The following DIAPH2 variants were observed in gnomAD, a reference collection of about 807,000 sequenced individuals.
DIAPH2 encodes the protein diaphanous related formin 2.
DIAPH2 carries 35 observed loss-of-function variants against 92.7 expected under a neutral mutation model. The observed-to-expected ratio is 0.38, with a 90% CI of 0.29 to 0.50. The LOEUF (loss-of-function observed/expected upper bound fraction) is 0.50, where lower values mean the gene tolerates loss of function less well. DIAPH2 is among the 20% of genes least tolerant of loss of function. DIAPH2 has a pLI of 0.94. For synonymous variants in DIAPH2, 301 were observed against 280.4 expected, an observed-to-expected ratio of 1.07 and a Z score of -0.73; for missense variants, 701 against 819.5, an observed-to-expected ratio of 0.86 and a Z score of 1.77.
intron 23 of DIAPH2, among the ~76,000 whole-genome samples, chrX:97,338,277 T>C: frequency 8.9e-6 from 1 of 112,244 alleles, no homozygotes; most frequent in Non-Finnish European, 1.9e-5. Context: ...ATATTATCCT[T>C]GTTAATGCTT....
chrX:96,694,639 C>A (rs1017676247), intron 1 of DIAPH2, among the ~76,000 whole-genome samples: 1 of 111,947 alleles, frequency 8.9e-6, no homozygotes, highest in Non-Finnish European at 1.9e-5. Flanking sequence ...CCGCGCCTGG[C>A]TGCATTGTTT....
chrX:97,075,396 G>T (rs1245555708), intron 19 of DIAPH2, 135 bp downstream of exon 19: 2 of 351,747 alleles, frequency 5.7e-6, no homozygotes, highest in African/African-American at 2.7e-5. Flanking sequence ...AATAAAATCA[G>T]GAATATCTAG....
intron 22 of DIAPH2, among the ~76,000 whole-genome samples, chrX:97,203,841 T>G (rs757460314): frequency 9.0e-6 from 1 of 111,686 alleles, no homozygotes; most frequent in Non-Finnish European, 1.9e-5. Context: ...ACGATCCTGA[T>G]ACCAAAATGT....
chrX:97,066,745 A>G (rs761542864), intron 17 of DIAPH2, among the ~76,000 whole-genome samples: 10 of 112,320 alleles, frequency 8.9e-5, no homozygotes, highest in African/African-American at 3.2e-4. Flanking sequence ...AGCAGTGTTC[A>G]GTAATTGGCT....
chrX:97,578,350 G>A (rs2071412989), intron 26 of DIAPH2, among the ~76,000 whole-genome samples: 1 of 105,641 alleles, frequency 9.5e-6, no homozygotes, highest in Admixed American at 1.0e-4. Flanking sequence ...TCCCCAGAGT[G>A]TGATGTTCCC....
intron 17 of DIAPH2, among the ~76,000 whole-genome samples, chrX:97,068,836 T>C (rs977895094): frequency 1.8e-5 from 2 of 112,351 alleles, no homozygotes; most frequent in Non-Finnish European, 1.9e-5. Context: ...AATATACAAA[T>C]ATGTATGCGT....
chrX:97,595,549 G>A (rs2071544982), intron 26 of DIAPH2, among the ~76,000 whole-genome samples: 1 of 110,171 alleles, frequency 9.1e-6, no homozygotes, highest in Non-Finnish European at 1.9e-5. Flanking sequence ...TCCATAGGAT[G>A]CACATTTTCT....
intron 23 of DIAPH2, among the ~76,000 whole-genome samples, chrX:97,288,850 A>G (rs781348554): frequency 9.0e-6 from 1 of 111,158 alleles, no homozygotes; most frequent in East Asian, 2.8e-4. Flanking sequence ...TTGATTACCT[A>G]GCTCCCTCAT....
intron 12 of DIAPH2, among the ~76,000 whole-genome samples, 164 bp downstream of exon 12, chrX:96,939,546 G>GTA (rs2065684103): frequency 2.9e-5 from 2 of 67,987 alleles, no homozygotes; most frequent in African/African-American, 1.2e-4. Context: ...ATATATGTAT[G>GTA]TATATATGTA....
intron 10 of DIAPH2, 100 bp from the exon 11 acceptor site, chrX:96,937,133 T>A (rs904760290): frequency 2.6e-6 from 1 of 382,870 alleles, no homozygotes; most frequent in Admixed American, 5.7e-5. Context: ...TGAAATTGCT[T>A]CTGTGTTTAT....
intron 15 of DIAPH2, among the ~76,000 whole-genome samples, chrX:96,950,210 CT>C (rs1300062601): frequency 9.0e-6 from 1 of 111,088 alleles, no homozygotes; most frequent in East Asian, 2.8e-4. Context: ...GTCCTCTGCT[CT>C]TTTCTTTTTT....
At position 97,098,423 on chromosome X, in the gene DIAPH2, T is replaced by C. The variant is rs748709388; in HGVS notation, c.2248-1271T>C. Among the ~76,000 whole-genome samples, 17 of 112,337 alleles carry C rather than the reference T, an allele frequency of 1.5e-4. No individual in the cohort carries two copies. In the East Asian group the frequency reaches 4.4e-3, roughly 29 times the overall value. Reference sequence around the variant, plus strand: ...TTTGTCTCTAAAAATTTGCCTGTTGTTGATACTTCATATCAGTGGAATCAT... The same window carrying C: ...TTTGTCTCTAAAAATTTGCCTGTTGCTGATACTTCATATCAGTGGAATCAT... On this transcript the variant is annotated intron_variant, in intron 19 of 26. Coordinates refer to ENST00000324765, the MANE Select transcript of DIAPH2 (RefSeq NM_006729.5).
At chrX:96,831,851 A>C (rs190386748) in intron 4 of DIAPH2, among the ~76,000 whole-genome samples, 5 of 111,321 alleles carry the variant, frequency 4.5e-5, no homozygotes, top group African/African-American at 1.6e-4. Flanking sequence ...TGTTGTCCTC[A>C]CTAGTGTCCT....
chrX:97,446,279 C>T (rs1383197532), intron 26 of DIAPH2, among the ~76,000 whole-genome samples: 1 of 111,927 alleles, frequency 8.9e-6, no homozygotes, highest in Non-Finnish European at 1.9e-5. Flanking sequence ...CATAAAAGTT[C>T]CTCAAACTAC....
chrX:96,958,280 C>A, intron 16 of DIAPH2, 132 bp downstream of exon 16: 2 of 723,477 alleles, frequency 2.8e-6, no homozygotes, highest in Non-Finnish European at 3.8e-6. Context: ...CATTTTATGT[C>A]CATCTTTCAA....
chrX:97,322,868 A>G (rs2068910443), intron 23 of DIAPH2, among the ~76,000 whole-genome samples: 1 of 106,751 alleles, frequency 9.4e-6, no homozygotes, highest in Non-Finnish European at 1.9e-5. Flanking sequence ...ACAAATAGAA[A>G]TATTTTAACA....
At chrX:97,404,391 C>G (rs1334753076) in intron 25 of DIAPH2, among the ~76,000 whole-genome samples, 1 of 111,881 alleles carries the variant, frequency 8.9e-6, no homozygotes, top group African/African-American at 3.2e-5. Flanking sequence ...GTGTAAAACT[C>G]TTGAAAACTT....
At position 96,881,668 on chromosome X, in the gene DIAPH2, T is replaced by G; in HGVS notation, c.537T>G (p.Leu179=). The change falls in exon 5 of 27, where the codon CTT becomes CTG. Residue 179 remains leucine (L), a synonymous_variant. Coordinates refer to ENST00000324765, the MANE Select transcript of DIAPH2 (RefSeq NM_006729.5). ...ELRSGISDEK[L]LNCLESLRVS... ...GATCGGGTATATCAGATGAGAAACT[T>G]CTTAATTGCCTAGAATCCCTCAGGG... The G allele has an allele frequency of 8.3e-7, 1 of 1,209,236 alleles. No homozygotes were observed. The highest frequency in any genetic ancestry group is 1.7e-5 in the African/African-American group (1 of 57,716).
intron 20 of DIAPH2, among the ~76,000 whole-genome samples, chrX:97,112,280 G>A (rs1285826454): frequency 9.0e-6 from 1 of 111,454 alleles, no homozygotes; most frequent in Non-Finnish European, 1.9e-5. Flanking sequence ...TGCAAAGTAT[G>A]GCCAGGAGAG....
Sources: gnomAD v4.1 joint callset for allele counts (sites outside exome capture counted in the v4.1 genomes callset) on GRCh38, gnomAD v4.1.1 for gene constraint, MANE v1.5 for transcripts, NCBI Gene and HGNC (gene_info 2026-07-23, HGNC 2026-07-21) for gene names.